The following CCSAP variants were observed in gnomAD, a reference collection of about 807,000 sequenced individuals.
CCSAP encodes the protein centriole, cilia and spindle-associated protein.
CCSAP carries 17 observed loss-of-function variants against 25.9 expected under a neutral mutation model. That is an observed-to-expected ratio of 0.66 (90% CI 0.45 to 0.99). The LOEUF is 0.99. Ranked by LOEUF, CCSAP falls within the 50% of genes least tolerant of loss-of-function variation. The pLI is 0.00. For synonymous variants in CCSAP, 169 were observed against 157.1 expected (o/e 1.08, Z -0.57); for missense variants, 339 against 367.8 (o/e 0.92, Z 0.64).
At chr1:229,331,485 T>C (rs1658063663) in intron 2 of CCSAP, among the ~76,000 whole-genome samples, 1 of 152,188 alleles carries the variant, frequency 6.6e-6, no homozygotes, top group Admixed American at 6.5e-5. Context: ...TATATACATG[T>C]GTGTGTCTCT....
intron 2 of CCSAP, among the ~76,000 whole-genome samples, chr1:229,341,523 G>T (rs887476942): frequency 1.3e-5 from 2 of 152,242 alleles, no homozygotes; most frequent in Non-Finnish European, 1.5e-5. Flanking sequence ...GGGAGGGACG[G>T]AAGGGGAGAG....
intron 2 of CCSAP, 148 bp from the exon 3 acceptor site, chr1:229,327,154 A>C (rs887763851): frequency 3.2e-6 from 2 of 630,620 alleles, no homozygotes; most frequent in African/African-American, 1.8e-5. Flanking sequence ...GTAGAAATAC[A>C]GGAACAAGTT....
chr1:229,342,531 C>A lies in CCSAP; in HGVS notation c.-48-18G>T, dbSNP rs1402146288. 1.2e-5 allele frequency: 14 copies of A among 1,121,262 alleles called. No homozygotes were observed. The highest frequency in any genetic ancestry group is 1.5e-5 in the Non-Finnish European group (13 of 873,028). The allele number at this position is 1,121,262 out of a possible 1,614,324, so 69.5% of individuals were successfully genotyped here. ...CCCGCAGCCTACGGGACCCGGTACACGACACAGAGGCCGCCCCGCCCCTCC... is the reference window on the plus strand; with the variant it reads ...CCCGCAGCCTACGGGACCCGGTACAAGACACAGAGGCCGCCCCGCCCCTCC... On this transcript the variant is annotated intron_variant, in intron 1 of 3. Transcript: ENST00000284617. This position sits in a 1 kb window ranked among gnomAD's most constrained non-coding sequence, Gnocchi z 7.5.
chr1:229,327,103 A>C (rs1420694975), intron 2 of CCSAP, 97 bp from the exon 3 acceptor site: 1 of 1,053,102 alleles, frequency 9.5e-7, no homozygotes, highest in African/African-American at 1.6e-5. Context: ...TTAAGACAGT[A>C]ACATTTTCAC....
chr1:229,342,116 T>TCCGCGTCCTCGGCCTCCGCGTCCC lies in CCSAP; in HGVS notation c.326_349dup (p.Gly109_Ala116dup), dbSNP rs764662601. The TCCGCGTCCTCGGCCTCCGCGTCCC allele has an allele frequency of 1.8e-5, 24 of 1,348,416 alleles. No homozygotes were observed. Among genetic ancestry groups the TCCGCGTCCTCGGCCTCCGCGTCCC allele is most frequent in the Non-Finnish European group, 2.3e-5 (24 of 1,052,264 alleles). The allele number at this position is 1,348,416 out of a possible 1,614,324, so 83.5% of individuals were successfully genotyped here. A position where few individuals can be genotyped will look rare whatever the true frequency, so the allele number is the denominator to read the frequency against. ...CCGGGTACCTGGCAGAGCCGCGTCC[T>TCCGCGTCCTCGGCCTCCGCGTCCC]CCGCGTCCTCGGCCTCCGCGTCCCC... On this transcript the variant is annotated inframe_insertion, in exon 2 of 4. Coordinates refer to ENST00000284617, the MANE Select transcript of CCSAP (RefSeq NM_145257.5). This position sits in a 1 kb window ranked among gnomAD's most constrained non-coding sequence, Gnocchi z 7.5.
At chr1:229,325,580 T>G (rs1488348924) in intron 3 of CCSAP, among the ~76,000 whole-genome samples, 169 bp from the exon 4 acceptor site, 2 of 151,952 alleles carry the variant, frequency 1.3e-5, no homozygotes, top group Non-Finnish European at 2.9e-5. Flanking sequence ...AGAAGAGCCA[T>G]TCTCACTTGA....
At chr1:229,333,029 TAA>T (rs1658106973) in intron 2 of CCSAP, among the ~76,000 whole-genome samples, 1 of 152,204 alleles carries the variant, frequency 6.6e-6, no homozygotes, top group African/African-American at 2.4e-5. Flanking sequence ...AAAGAAATCT[TAA>T]GATATTTACA....
rs766382384 is a variant in CCSAP, at chr1:229,340,328, G to A, written c.367+1771C>T. 9.1e-5 allele frequency: 64 copies of A among 700,368 alleles called. 1 individual carries two copies. The Middle Eastern group carries it at 1.6e-3, about 18-fold the overall frequency. The allele number at this position is 700,368 out of a possible 1,614,324, so 43.4% of individuals were successfully genotyped here. On this transcript the variant is annotated intron_variant, in intron 2 of 3. Transcript: ENST00000284617. ...TCTTCCTGATGCCTAAACCAGAAAC[G>A]TTAGCAGGGAAGAAATAACTGAGAG... is the stretch of plus-strand genomic sequence containing the variant.
At chr1:229,331,791 TTATTATTA>T (rs1658073803) in intron 2 of CCSAP, among the ~76,000 whole-genome samples, 2 of 76,356 alleles carry the variant, frequency 2.6e-5, no homozygotes, top group East Asian at 2.6e-4. Context: ...TATCCTTTTA[TTATTATTA>T]TTATTATTAT....
At chr1:229,329,073 G>A (rs1434424512) in intron 2 of CCSAP, among the ~76,000 whole-genome samples, 1 of 152,194 alleles carries the variant, frequency 6.6e-6, no homozygotes, top group Non-Finnish European at 1.5e-5. Context: ...AGAAGAGGAG[G>A]AAAGAAGAGA....
chr1:229,336,481 C>T (rs1431848549), intron 2 of CCSAP, among the ~76,000 whole-genome samples: 1 of 152,132 alleles, frequency 6.6e-6, no homozygotes, highest in Non-Finnish European at 1.5e-5. Context: ...CAGGCTTATT[C>T]CCCATGAGAC....
chr1:229,328,053 A>T (rs1202380743), intron 2 of CCSAP, among the ~76,000 whole-genome samples: 2 of 152,170 alleles, frequency 1.3e-5, no homozygotes, highest in African/African-American at 2.4e-5. Flanking sequence ...ACTCCAAAAA[A>T]TATCTATTCC....
chr1:229,338,750 C>T (rs1182565951), intron 2 of CCSAP, among the ~76,000 whole-genome samples: 2 of 151,844 alleles, frequency 1.3e-5, no homozygotes, highest in Admixed American at 6.6e-5. Context: ...AGAAAACAAA[C>T]GAAAAATTCT....
chr1:229,342,194 T>A lies in CCSAP; in HGVS notation c.272A>T (p.Glu91Val). ...CCCGCGCGCCCGCCGTTCCGCCTCC[T>A]CCTGGGTCGCCGGCTCTACGGGCGG... ...PPPPVEPATQEEAERRARGAP... is the reference protein window; with the variant it reads ...PPPPVEPATQVEAERRARGAP... The change falls in exon 2 of 4, where the codon GAG (glutamate) becomes GTG (valine). Residue 91 changes from glutamate (E) to valine (V), a missense_variant. Glu to Val is a moderately radical substitution (Grantham distance 121). Transcript: ENST00000284617. This position sits in a 1 kb window ranked among gnomAD's most constrained non-coding sequence, Gnocchi z 7.5. 7.9e-7 allele frequency: 1 copy of A among 1,266,712 alleles called. No homozygotes were observed. The highest frequency in any genetic ancestry group is 9.9e-7 in the Non-Finnish European group (1 of 1,008,414). The allele number at this position is 1,266,712 out of a possible 1,614,324, so 78.5% of individuals were successfully genotyped here.
In CCSAP at chr1:229,335,017, A is replaced by G. The variant is rs141393093; in HGVS notation, c.367+7082T>C. On this transcript the variant is annotated intron_variant, in intron 2 of 3. Transcript: ENST00000284617. ...GCCTCCAGGACAGAAGCTGAGCCCT[A>G]GAAAGAATCACATGAGCCAGATGTG... Among the ~76,000 whole-genome samples, 57 of 152,320 alleles carry G rather than the reference A, an allele frequency of 3.7e-4. 1 individual carries two copies. In the East Asian group the frequency reaches 0.011, roughly 29 times the overall value.
rs1346423472 is a variant in CCSAP, at chr1:229,321,233, T to G, written c.*4002A>C. 6.6e-6 allele frequency: 1 copy of G among 152,200 alleles called. No individual in the cohort carries two copies. The highest frequency in any genetic ancestry group is 1.5e-5 in the Non-Finnish European group (1 of 68,026). 9.4% of individuals were successfully genotyped at this position (152,200 alleles called of 1,614,324 possible). The stretch of plus-strand genomic sequence containing the variant: ...AGGGAAACCTTCCCTAAATAAAGTT[T>G]TGTTATTAGAAGAGAAATCCAAAAA... On this transcript the variant is annotated 3_prime_UTR_variant, in exon 4 of 4. Coordinates refer to ENST00000284617, the MANE Select transcript of CCSAP (RefSeq NM_145257.5).
Position 229,342,135 on chromosome 1 carries a change from C to T in CCSAP, c.331G>A (p.Ala111Thr). The change falls in exon 2 of 4, where the codon GCG becomes ACG. Residue 111 changes from alanine (A) to threonine (T), a missense_variant. Transcript: ENST00000284617. This position sits in a 1 kb window ranked among gnomAD's most constrained non-coding sequence, Gnocchi z 7.5. ...PEEQDAEAGD[A>T]EAEDAEDAAL... The stretch of plus-strand genomic sequence containing the variant: ...GCGTCCTCCGCGTCCTCGGCCTCCG[C>T]GTCCCCGGCCTCCGCGTCCTGCTCC... 1 of 1,335,476 alleles carries T rather than the reference C, an allele frequency of 7.5e-7. No individual in the cohort carries two copies. The highest frequency in any genetic ancestry group is 9.6e-7 in the Non-Finnish European group (1 of 1,042,588). The allele number at this position is 1,335,476 out of a possible 1,614,324, so 82.7% of individuals were successfully genotyped here.
intron 2 of CCSAP, among the ~76,000 whole-genome samples, chr1:229,329,344 G>A (rs894094745): frequency 6.6e-6 from 1 of 152,134 alleles, no homozygotes. Context: ...CCAGAAAGAG[G>A]GAATGGCTTC....
intron 3 of CCSAP, 26 bp from the exon 4 acceptor site, chr1:229,325,437 A>G: frequency 6.2e-7 from 1 of 1,601,324 alleles, no homozygotes; most frequent in Non-Finnish European, 8.5e-7. Context: ...AATAAAGGAT[A>G]GTAACTTAAG....
Sources: gnomAD v4.1 joint callset for allele counts (sites outside exome capture counted in the v4.1 genomes callset) on GRCh38, gnomAD v4.1.1 for gene constraint, Gnocchi (gnomAD v3.1) non-coding constraint, MANE v1.5 for transcripts, NCBI Gene and HGNC (gene_info 2026-07-23, HGNC 2026-07-21) for gene names.